Variants in ATP2B4 observed in about 807,000 individuals in gnomAD.
ATP2B4 encodes plasma membrane calcium-transporting ATPase 4.
In ATP2B4, 39 loss-of-function variants were observed where a neutral mutation model predicts 110.3. The observed-to-expected ratio is 0.35, with a 90% CI of 0.27 to 0.46. ATP2B4 has a LOEUF of 0.46. ATP2B4 is among the 20% of genes least tolerant of loss of function. The probability of loss-of-function intolerance (pLI) is 1.00; values close to 1 mark genes in which losing one functional copy is unlikely to be tolerated. For synonymous variants in ATP2B4, 538 were observed against 571.7 expected (o/e 0.94, Z 0.84); for missense variants, 1,135 against 1,530.9 (o/e 0.74, Z 4.32).
intron 1 of ATP2B4, among the ~76,000 whole-genome samples, chr1:203,641,081 G>A (rs1464453010): frequency 6.6e-6 from 1 of 152,238 alleles, no homozygotes; most frequent in Non-Finnish European, 1.5e-5. Context: ...GAACTTAGGT[G>A]TGGGAAGTGT....
In ATP2B4 at chr1:203,716,624, G is replaced by A. The variant is rs796859238; in HGVS notation, c.2406+2347G>A. On this transcript the variant is annotated intron_variant, in intron 15 of 20. Transcript: ENST00000357681. ...TCCTTCCTAAGGACAGTCGTCTCAG[G>A]CCTGCTGTGTTAACTCTCTTTTGCA... is the stretch of plus-strand genomic sequence containing the variant. Among the ~76,000 whole-genome samples, 24 of 145,124 alleles carry A rather than the reference G, an allele frequency of 1.7e-4. 1 individual carries two copies. The highest frequency in any genetic ancestry group is 5.8e-4 in the African/African-American group (23 of 39,832).
At chr1:203,634,352 T>C (rs553704531) in intron 1 of ATP2B4, among the ~76,000 whole-genome samples, 104 of 152,318 alleles carry the variant, frequency 6.8e-4, no homozygotes, top group African/African-American at 1.9e-3. Context: ...TTTATTTACC[T>C]ACCTATTTTT....
At chr1:203,733,340 G>A (rs1489120875) in intron 20 of ATP2B4, 6 of 1,614,130 alleles carry the variant, frequency 3.7e-6, no homozygotes, top group Non-Finnish European at 2.5e-6. Context: ...TGTAGCAGTT[G>A]CACCAGTCAA....
At chr1:203,647,467 A>C (rs529341259) in intron 1 of ATP2B4, among the ~76,000 whole-genome samples, 18 of 152,126 alleles carry the variant, frequency 1.2e-4, no homozygotes, top group South Asian at 4.2e-4. Context: ...ACAACAACAA[A>C]AAAAACAAAC....
intron 1 of ATP2B4, among the ~76,000 whole-genome samples, chr1:203,658,175 T>C (rs941713844): frequency 1.3e-5 from 2 of 152,108 alleles, no homozygotes; most frequent in East Asian, 1.9e-4. Context: ...TCTGGAATCG[T>C]ACCTGCAATG....
rs144292029 is a variant in ATP2B4 at position 203,655,163 on chromosome 1, G to A, written c.-464-27579G>A. 8.5e-3 allele frequency among the ~76,000 whole-genome samples: 1,301 copies of A among 152,318 alleles called. 21 individuals are homozygous for A. Among genetic ancestry groups the A allele is most frequent in the African/African-American group, 0.027 (1,121 of 41,566 alleles). On this transcript the variant is annotated intron_variant, in intron 1 of 20. Coordinates refer to ENST00000357681, the MANE Select transcript of ATP2B4 (RefSeq NM_001684.5). ...TGCTTTTTAGGAATGAGCAAAGAAA[G>A]TGGTTTCTTGAGATGAAATCTACTC...
intron 4 of ATP2B4, 52 bp downstream of exon 4, chr1:203,699,769 GA>G (rs762432509): frequency 3.2e-5 from 51 of 1,601,016 alleles, no homozygotes; most frequent in Non-Finnish European, 4.2e-5. Context: ...CCATTTAAGG[GA>G]TAGGTCCTTT....
rs113695508 is a variant in ATP2B4 at position 203,735,292 on chromosome 1, A to C, written c.3310-4254A>C. Among the ~76,000 whole-genome samples, 389 of 152,276 alleles carry C rather than the reference A, an allele frequency of 2.6e-3. 1 individual carries two copies. Among genetic ancestry groups the C allele is most frequent in the African/African-American group, 8.4e-3 (350 of 41,548 alleles). ...TAAGATCTGGTGTTCCCATTGGTAG[A>C]TTCTTGGATTCTTGCTAATGCTTAT... is the stretch of plus-strand genomic sequence containing the variant. On this transcript the variant is annotated intron_variant, in intron 20 of 20. Coordinates refer to ENST00000357681, the MANE Select transcript of ATP2B4 (RefSeq NM_001684.5).
At chr1:203,673,671 G>A (rs535629849) in intron 1 of ATP2B4, among the ~76,000 whole-genome samples, 1 of 152,194 alleles carries the variant, frequency 6.6e-6, no homozygotes, top group African/African-American at 2.4e-5. Context: ...GACCAGTATG[G>A]GACATGCTGA....
At chr1:203,687,013 T>C (rs1368813505) in intron 2 of ATP2B4, among the ~76,000 whole-genome samples, 4 of 147,702 alleles carry the variant, frequency 2.7e-5, no homozygotes, top group Admixed American at 2.7e-4. Context: ...TTTTTTTTTT[T>C]TCTTTATGAG....
chr1:203,685,267 A>T (rs16852084), intron 2 of ATP2B4, among the ~76,000 whole-genome samples: 20,870 of 152,280 alleles, frequency 0.14, 1,720 homozygotes, highest in South Asian at 0.24. Context: ...GCCTCATCAA[A>T]ATGTAGAAAG....
In ATP2B4 at chr1:203,704,203, A is replaced by G. The variant is rs114337710; in HGVS notation, c.1099+390A>G. ...TGCAGCTTGCTACAGGCAATTCTCT[A>G]GCATAGGAGTAGGATCTGGCTAAGC... On this transcript the variant is annotated intron_variant, in intron 8 of 20. Transcript: ENST00000357681. Among the ~76,000 whole-genome samples, 1,389 of 152,312 alleles carry G rather than the reference A, an allele frequency of 9.1e-3. 24 individuals carry two copies. Among genetic ancestry groups the G allele is most frequent in the African/African-American group, 0.032 (1,336 of 41,554 alleles).
intron 1 of ATP2B4, among the ~76,000 whole-genome samples, chr1:203,670,623 C>T (rs924968132): frequency 1.3e-5 from 2 of 152,238 alleles, no homozygotes; most frequent in African/African-American, 4.8e-5. Context: ...CTCCCTTCTC[C>T]CTTCCCACCC....
intron 2 of ATP2B4, among the ~76,000 whole-genome samples, chr1:203,695,531 G>T (rs754356919): frequency 2.6e-5 from 4 of 152,160 alleles, no homozygotes; most frequent in Admixed American, 1.3e-4. Flanking sequence ...TGGAGGCCAG[G>T]GTGATGTGCT....
intron 2 of ATP2B4, among the ~76,000 whole-genome samples, chr1:203,691,805 A>G (rs952977748): frequency 2.0e-5 from 3 of 152,094 alleles, no homozygotes; most frequent in African/African-American, 4.8e-5. Flanking sequence ...TAGATCTTGC[A>G]TGGCCCTATT....
intron 1 of ATP2B4, among the ~76,000 whole-genome samples, chr1:203,645,737 C>T (rs1172078520): frequency 6.6e-6 from 1 of 151,974 alleles, no homozygotes; most frequent in Non-Finnish European, 1.5e-5. Context: ...ATTACAAGTG[C>T]CTGCCACTGT....
chr1:203,705,380 ATCC>A (rs922241748), intron 8 of ATP2B4, among the ~76,000 whole-genome samples: 1 of 152,102 alleles, frequency 6.6e-6, no homozygotes, highest in African/African-American at 2.4e-5. Context: ...TATTCTCCTA[ATCC>A]TTGCCTTGTT....
At chr1:203,695,967 G>A (rs973069253) in intron 2 of ATP2B4, among the ~76,000 whole-genome samples, 86 of 152,088 alleles carry the variant, frequency 5.7e-4, no homozygotes, top group African/African-American at 2.0e-3. Context: ...TCTCTCTCTC[G>A]CCCAGGCTGG....
intron 1 of ATP2B4, among the ~76,000 whole-genome samples, chr1:203,654,279 C>T (rs10900548): frequency 0.95 from 144,456 of 152,196 alleles, 69,021 homozygotes; most frequent in East Asian, 1. Flanking sequence ...CCACCGTGCC[C>T]GGCCAGTTTA....
Sources: allele counts gnomAD v4.1 joint callset (sites outside exome capture counted in the v4.1 genomes callset), GRCh38; gene constraint gnomAD v4.1.1; transcripts MANE v1.5; gene names NCBI Gene and HGNC (gene_info 2026-07-23, HGNC 2026-07-21).